The following EPB41L4B variants were observed in gnomAD, a reference collection of about 807,000 sequenced individuals.
EPB41L4B encodes band 4.1-like protein 4B.
EPB41L4B carries 30 observed loss-of-function variants against 112.5 expected under a neutral mutation model. The ratio of observed to expected loss-of-function variants is 0.27; its 90% CI spans 0.20 to 0.36. The LOEUF (loss-of-function observed/expected upper bound fraction) is 0.36. Among genes scored for constraint, EPB41L4B ranks in the 10% least tolerant of loss-of-function variants. The pLI, the probability that EPB41L4B is intolerant of heterozygous loss-of-function variation, is 1.00. For synonymous variants in EPB41L4B, 408 were observed against 439.7 expected (o/e 0.93, Z 0.90); for missense variants, 1,024 against 1,133.3 (o/e 0.90, Z 1.38).
At chr9:109,279,755 TG>T in intron 2 of EPB41L4B, 61 bp downstream of exon 2, 1 of 1,360,034 alleles carries the variant, frequency 7.4e-7, no homozygotes, top group Non-Finnish European at 1.0e-6. Flanking sequence ...CTAGCAACTG[TG>T]GACGTGCAAT....
chr9:109,275,887 G>T (rs1835796149), intron 2 of EPB41L4B, among the ~76,000 whole-genome samples: 1 of 152,008 alleles, frequency 6.6e-6, no homozygotes, highest in Admixed American at 6.6e-5. Context: ...GATGGTAAAA[G>T]AAAGATCTAG....
chr9:109,313,395 G>A (rs1837493923), intron 1 of EPB41L4B, among the ~76,000 whole-genome samples: 1 of 152,084 alleles, frequency 6.6e-6, no homozygotes, highest in Admixed American at 6.5e-5. Context: ...GGCCACAGAG[G>A]CTGCAGAAGG....
Position 109,207,935 on chromosome 9 carries a change from C to T in EPB41L4B, c.1867G>A (p.Val623Met), listed in dbSNP as rs1459750332. The T allele has an allele frequency of 2.5e-6, 4 of 1,614,126 alleles. No individual in the cohort carries two copies. Among genetic ancestry groups the T allele is most frequent in the Non-Finnish European group, 3.4e-6 (4 of 1,180,030 alleles). Residue 623 changes from valine to methionine, a missense_variant, in exon 18 of 26, where the codon GTG (valine) becomes ATG (methionine). Coordinates refer to ENST00000374566, the MANE Select transcript of EPB41L4B (RefSeq NM_019114.5). ...TGCATTCTGCGCACCTGGATGTTCA[C>T]TCGGGAAGCATTTTCCAACTGGGCT... ...LKAQLENASR[V>M]NIQGGKEESP...
intron 24 of EPB41L4B, among the ~76,000 whole-genome samples, chr9:109,179,578 G>T (rs563271603): frequency 6.6e-6 from 1 of 152,018 alleles, no homozygotes; most frequent in Non-Finnish European, 1.5e-5. Context: ...GTGTCCACCT[G>T]GATGTTTCAA....
intron 1 of EPB41L4B, among the ~76,000 whole-genome samples, chr9:109,299,888 C>T (rs2119214107): frequency 6.6e-6 from 1 of 152,328 alleles, no homozygotes; most frequent in African/African-American, 2.4e-5. Flanking sequence ...GGATGGTCCA[C>T]TCACCCCCAT....
intron 16 of EPB41L4B, among the ~76,000 whole-genome samples, chr9:109,215,400 C>G (rs1833326438): frequency 1.3e-5 from 2 of 152,118 alleles, no homozygotes; most frequent in Non-Finnish European, 2.9e-5. Context: ...GTGCCTCGGC[C>G]TCCCAAGTAG....
At position 109,268,884 on chromosome 9, in the gene EPB41L4B, G is replaced by A. The variant is rs1012551805; in HGVS notation, c.412-451C>T. Among the ~76,000 whole-genome samples the A allele has an allele frequency of 8.2e-5, 8 of 98,054 alleles. No individual in the cohort carries two copies. The Admixed American group carries it at 9.4e-4, about 12-fold the overall frequency. The allele number at this position is 98,054 out of a possible 152,430, so 64.3% of individuals were successfully genotyped here. The stretch of plus-strand genomic sequence containing the variant: ...TGCACTCCAGCCTGGGCGACAGAGC[G>A]AAACTCCGTCTCAAAAAAAAAAAAA... On this transcript the variant is annotated intron_variant, in intron 2 of 25. Transcript: ENST00000374566.
intron 15 of EPB41L4B, among the ~76,000 whole-genome samples, chr9:109,242,565 C>T (rs999756729): frequency 1.3e-5 from 2 of 152,190 alleles, no homozygotes; most frequent in Admixed American, 6.5e-5. Flanking sequence ...CTCCACTAAC[C>T]TAATCTGCTT....
At chr9:109,268,705 T>C (rs1041071905) in intron 2 of EPB41L4B, among the ~76,000 whole-genome samples, 3 of 152,004 alleles carry the variant, frequency 2.0e-5, no homozygotes, top group African/African-American at 4.8e-5. Flanking sequence ...GAGACCATCC[T>C]GGCTAACACG....
intron 5 of EPB41L4B, 115 bp downstream of exon 5, chr9:109,264,865 G>A (rs1305211554): frequency 1.2e-6 from 1 of 806,514 alleles, no homozygotes; most frequent in East Asian, 2.7e-5. Flanking sequence ...AATGCCTGGT[G>A]CACTTTTTTT....
chr9:109,203,745 A>G lies in EPB41L4B; in HGVS notation c.1879-15T>C. On this transcript the variant is annotated splice_polypyrimidine_tract_variant and intron_variant, in intron 18 of 25. Coordinates refer to ENST00000374566, the MANE Select transcript of EPB41L4B (RefSeq NM_019114.5). ...TCCTTTCCACCCTGTTAAAGAAAGC[A>G]TTCAGGTTAGTCAAAACTGAATATG... 6.2e-7 allele frequency: 1 copy of G among 1,609,970 alleles called. No homozygotes were observed. The highest frequency in any genetic ancestry group is 8.5e-7 in the Non-Finnish European group (1 of 1,176,336).
At chr9:109,319,027 G>C (rs1837739694) in intron 1 of EPB41L4B, among the ~76,000 whole-genome samples, 1 of 152,100 alleles carries the variant, frequency 6.6e-6, no homozygotes, top group Non-Finnish European at 1.5e-5. Flanking sequence ...TGGAAGTCCG[G>C]GTATGTTATT....
intron 15 of EPB41L4B, chr9:109,239,902 A>C: frequency 1.0e-6 from 1 of 985,470 alleles, no homozygotes; most frequent in Non-Finnish European, 1.2e-6. Context: ...ACTTCTCTCT[A>C]CTCAGCACCT....
At chr9:109,202,000 A>G (rs1832850102) in intron 19 of EPB41L4B, among the ~76,000 whole-genome samples, 1 of 152,198 alleles carries the variant, frequency 6.6e-6, no homozygotes, top group Non-Finnish European at 1.5e-5. Context: ...CCGGAAGACA[A>G]TGAGGGCTCA....
At chr9:109,295,464 C>G (rs1327927836) in intron 1 of EPB41L4B, among the ~76,000 whole-genome samples, 1 of 152,118 alleles carries the variant, frequency 6.6e-6, no homozygotes, top group Non-Finnish European at 1.5e-5. Context: ...CTTGGATGGC[C>G]ACCCTGCCCA....
intron 20 of EPB41L4B, among the ~76,000 whole-genome samples, chr9:109,195,202 C>A (rs948509183): frequency 6.6e-6 from 1 of 152,144 alleles, no homozygotes; most frequent in Non-Finnish European, 1.5e-5. Flanking sequence ...TGGAGCCACC[C>A]TTGCATAGGG....
chr9:109,257,266 G>A lies in EPB41L4B; in HGVS notation c.753-786C>T, dbSNP rs58070212. 6.1e-3 allele frequency among the ~76,000 whole-genome samples: 935 copies of A among 152,276 alleles called. 8 individuals carry two copies. Among genetic ancestry groups the A allele is most frequent in the African/African-American group, 0.022 (906 of 41,560 alleles). The stretch of plus-strand genomic sequence containing the variant: ...TCCAGAGTCCAAGGGTGACCTGGAG[G>A]AGGCAGTGTTTGGGGAAGATGGGAT... On this transcript the variant is annotated intron_variant, in intron 7 of 25. Coordinates refer to ENST00000374566, the MANE Select transcript of EPB41L4B (RefSeq NM_019114.5).
chr9:109,226,093 G>A (rs1301496196), intron 15 of EPB41L4B, among the ~76,000 whole-genome samples: 4 of 152,154 alleles, frequency 2.6e-5, no homozygotes, highest in Admixed American at 2.0e-4. Flanking sequence ...ATCTTCATAT[G>A]TGTCTGCCAC....
At chr9:109,203,793 A>T in intron 18 of EPB41L4B, 63 bp from the exon 19 acceptor site, 5 of 1,342,552 alleles carry the variant, frequency 3.7e-6, no homozygotes, top group Non-Finnish European at 5.4e-6. Flanking sequence ...AAATGTTTTC[A>T]AGTCTCTTAC....
Sources: allele counts gnomAD v4.1 joint callset (sites outside exome capture counted in the v4.1 genomes callset), GRCh38; gene constraint gnomAD v4.1.1; transcripts MANE v1.5; gene names NCBI Gene and HGNC (gene_info 2026-07-23, HGNC 2026-07-21).